Variants in FMO2 observed in about 807,000 individuals in gnomAD.
The protein encoded by FMO2 is flavin containing dimethylaniline monoxygenase 2, also known as flavin-containing monooxygenase 2.
In FMO2, 33 loss-of-function variants were observed where a neutral mutation model predicts 41.6. That is an observed-to-expected ratio of 0.79 (90% CI 0.60 to 1.06). The LOEUF is 1.06. Among genes scored for constraint, FMO2 ranks in the 50% least tolerant of loss-of-function variants. The probability of loss-of-function intolerance (pLI) is 0.00; values close to 1 mark genes in which losing one functional copy is unlikely to be tolerated. For synonymous variants in FMO2, 214 were observed against 219.6 expected (o/e 0.97, Z 0.23); for missense variants, 619 against 632.9 (o/e 0.98, Z 0.23).
At chr1:171,190,473 A>G (rs1471571673) in intron 2 of FMO2, among the ~76,000 whole-genome samples, 2 of 152,226 alleles carry the variant, frequency 1.3e-5, no homozygotes, top group Non-Finnish European at 2.9e-5. Flanking sequence ...AGTTAAATTT[A>G]TCTGTTTTGA....
chr1:171,205,469 G>A lies in FMO2; in HGVS notation c.1018G>A (p.Asp340Asn). ...TAGTTTCTCTTTTCCCTTCCTTGAAGATTCACTCGTTAAAGTAGAGAATAA... is the reference window on the plus strand; with the variant it reads ...TAGTTTCTCTTTTCCCTTCCTTGAAAATTCACTCGTTAAAGTAGAGAATAA... ...GYSFSFPFLEDSLVKVENNMV... is the reference protein window; with the variant it reads ...GYSFSFPFLENSLVKVENNMV... The change falls in exon 7 of 9, where the codon GAT becomes AAT. Residue 340 changes from aspartate to asparagine, a missense_variant. Coordinates refer to ENST00000209929, the MANE Select transcript of FMO2 (RefSeq NM_001460.5). 6.2e-7 allele frequency: 1 copy of A among 1,613,824 alleles called. No homozygotes were observed. The highest frequency in any genetic ancestry group is 8.5e-7 in the Non-Finnish European group (1 of 1,179,828).
At chr1:171,208,751 T>C in intron 8 of FMO2, 43 bp from the exon 9 acceptor site, 1 of 1,598,136 alleles carries the variant, frequency 6.3e-7, no homozygotes, top group Non-Finnish European at 8.6e-7. Flanking sequence ...CTAGAAAACT[T>C]AGAACATTCT....
intron 5 of FMO2, among the ~76,000 whole-genome samples, chr1:171,202,297 A>G (rs1405644291): frequency 2.6e-5 from 4 of 152,200 alleles, no homozygotes; most frequent in Non-Finnish European, 5.9e-5. Flanking sequence ...CTAATATCTA[A>G]TCAAAGTATT....
At chr1:171,188,736 G>A (rs3768570) in intron 2 of FMO2, among the ~76,000 whole-genome samples, 77,036 of 151,904 alleles carry the variant, frequency 0.51, 20,534 homozygotes, top group African/African-American at 0.65. Flanking sequence ...ACTCCTACTG[G>A]GATTACTTAA....
rs200115051 is a variant in FMO2 at position 171,208,907 on chromosome 1, C to T, written c.1370C>T (p.Pro457Leu). The T allele has an allele frequency of 6.2e-7, 1 of 1,613,950 alleles. No homozygotes were observed. Among genetic ancestry groups the T allele is most frequent in the African/African-American group, 1.3e-5 (1 of 74,998 alleles). ...TTCTGCTCTCTCTTGTTCAAAGATC[C>T]TAAACTGGCTGTGAGACTCTATTTC... is the stretch of plus-strand genomic sequence containing the variant. ...PDFCSLLFKD[P>L]KLAVRLYFGP... is the part of the protein sequence containing the mutation. Residue 457 changes from proline (P) to leucine (L), a missense_variant, in exon 9 of 9, where the codon CCT becomes CTT. Physicochemically the swap from Pro to Leu is moderately conservative, Grantham distance 98. Transcript: ENST00000209929.
chr1:171,207,812 T>G (rs1450027606), intron 8 of FMO2, 22 bp downstream of exon 8: 6 of 1,436,906 alleles, frequency 4.2e-6, no homozygotes, highest in Non-Finnish European at 5.9e-6. Flanking sequence ...TTTTAATTCT[T>G]TACATGAAGC....
At chr1:171,193,902 C>A (rs1247510996) in intron 3 of FMO2, among the ~76,000 whole-genome samples, 2 of 151,992 alleles carry the variant, frequency 1.3e-5, no homozygotes, top group African/African-American at 4.8e-5. Flanking sequence ...GCCTCGGCCT[C>A]CAGAGTAGCT....
intron 5 of FMO2, among the ~76,000 whole-genome samples, chr1:171,200,615 G>C (rs1367358728): frequency 6.6e-6 from 1 of 152,172 alleles, no homozygotes; most frequent in South Asian, 2.1e-4. Flanking sequence ...TAATGAAGGG[G>C]TTATACTGGG....
intron 2 of FMO2, among the ~76,000 whole-genome samples, chr1:171,191,100 A>G (rs560580670): frequency 1.3e-5 from 2 of 152,186 alleles, no homozygotes; most frequent in African/African-American, 4.8e-5. Flanking sequence ...AGCCGAGATC[A>G]TGACATTGCA....
chr1:171,186,716 C>T (rs6660641), intron 2 of FMO2, among the ~76,000 whole-genome samples: 21,012 of 152,118 alleles, frequency 0.14, 1,581 homozygotes, highest in African/African-American at 0.18. Flanking sequence ...GACACAAAGC[C>T]AAACCATGTC....
intron 1 of FMO2, 138 bp from the exon 2 acceptor site, chr1:171,185,570 A>C: frequency 1.3e-6 from 1 of 799,048 alleles, no homozygotes; most frequent in Non-Finnish European, 2.0e-6. Flanking sequence ...AGGATTTTTG[A>C]CTGGCTCTTT....
chr1:171,192,246 C>T (rs1286251621), intron 2 of FMO2, among the ~76,000 whole-genome samples: 1 of 151,948 alleles, frequency 6.6e-6, no homozygotes, highest in Non-Finnish European at 1.5e-5. Flanking sequence ...AACACTGTAC[C>T]GTGATTTGTT....
chr1:171,208,752 AGAACATTCTGT>A, intron 8 of FMO2, 31 bp from the exon 9 acceptor site: 1 of 1,598,096 alleles, frequency 6.3e-7, no homozygotes, highest in Non-Finnish European at 8.6e-7. Flanking sequence ...TAGAAAACTT[AGAACATTCTGT>A]GAACATTCCC....
intron 4 of FMO2, among the ~76,000 whole-genome samples, chr1:171,197,361 C>T (rs1658346696): frequency 6.6e-6 from 1 of 152,146 alleles, no homozygotes; most frequent in East Asian, 1.9e-4. Context: ...ATTAGAATCA[C>T]CTGGGGAGCT....
At chr1:171,197,300 C>G (rs1373188732) in intron 4 of FMO2, among the ~76,000 whole-genome samples, 1 of 152,144 alleles carries the variant, frequency 6.6e-6, no homozygotes, top group Non-Finnish European at 1.5e-5. Flanking sequence ...ACTTCTTTCC[C>G]AAGGCCCTTA....
intron 2 of FMO2, among the ~76,000 whole-genome samples, chr1:171,192,752 C>A (rs889439950): frequency 1.6e-5 from 2 of 126,348 alleles, no homozygotes; most frequent in African/African-American, 3.2e-5. Context: ...GGTGACAGAG[C>A]GAGACTCTGT....
chr1:171,189,704 G>C (rs922074718), intron 2 of FMO2, among the ~76,000 whole-genome samples: 2 of 132,612 alleles, frequency 1.5e-5, no homozygotes. Context: ...TGTTGCCCAG[G>C]CTGGAGGGCA....
intron 7 of FMO2, among the ~76,000 whole-genome samples, chr1:171,205,865 C>T (rs1557984143): frequency 1.3e-5 from 2 of 152,226 alleles, no homozygotes; most frequent in African/African-American, 2.4e-5. Context: ...ATTAGACAGT[C>T]AAGAGAATTT....
chr1:171,185,775 G>A lies in FMO2; in HGVS notation c.62G>A (p.Cys21Tyr), dbSNP rs1657818038. 1 of 1,613,886 alleles carries A rather than the reference G, an allele frequency of 6.2e-7. No individual in the cohort carries two copies. The highest frequency in any genetic ancestry group is 8.5e-7 in the Non-Finnish European group (1 of 1,179,806). ...GVSGLISLKC[C>Y]VDEGLEPTCF... ...AGTGGCCTAATTTCTCTGAAGTGCT[G>A]TGTGGATGAGGGACTTGAGCCCACT... Residue 21 changes from cysteine to tyrosine, a missense_variant, in exon 2 of 9, where the codon TGT (cysteine) becomes TAT (tyrosine). Coordinates refer to ENST00000209929, the MANE Select transcript of FMO2 (RefSeq NM_001460.5).
Sources: allele counts gnomAD v4.1 joint callset (sites outside exome capture counted in the v4.1 genomes callset), GRCh38; gene constraint gnomAD v4.1.1; transcripts MANE v1.5; gene names NCBI Gene and HGNC (gene_info 2026-07-23, HGNC 2026-07-21).